Variants in CAMTA1 observed in about 807,000 individuals in gnomAD.
CAMTA1 encodes the protein calmodulin-binding transcription activator 1.
A neutral mutation model predicts 170.9 loss-of-function variants in CAMTA1; 27 were observed. The observed-to-expected ratio is 0.16, with a 90% CI of 0.12 to 0.22. The LOEUF (loss-of-function observed/expected upper bound fraction) is 0.22. Among genes scored for constraint, CAMTA1 ranks in the 10% least tolerant of loss-of-function variants. The pLI, the probability that CAMTA1 is intolerant of heterozygous loss-of-function variation, is 1.00. For synonymous variants in CAMTA1, 833 were observed against 891.5 expected, an observed-to-expected ratio of 0.93 and a Z score of 1.17; for missense variants, 1,619 against 2,217.2, an observed-to-expected ratio of 0.73 and a Z score of 5.42.
rs769234858 is a variant in CAMTA1, at chr1:7,752,518, G to A, written c.4943G>A (p.Arg1648His). The A allele has an allele frequency of 1.2e-5, 19 of 1,607,604 alleles. No individual in the cohort carries two copies. In the Admixed American group the frequency reaches 1.9e-4, roughly 16 times the overall value. ...GCTCGAAAAATAATGAGGTTTCTTC[G>A]CCGCTGTCGCCACAGGTACACTAGT... Reference protein sequence around the residue: ...QAARKIMRFLRRCRHSPLVDH... With the variant: ...QAARKIMRFLHRCRHSPLVDH... Residue 1648 changes from arginine (R) to histidine (H), a missense_variant, in exon 21 of 23, where the codon CGC (arginine) becomes CAC (histidine). Coordinates refer to ENST00000303635, the MANE Select transcript of CAMTA1 (RefSeq NM_015215.4).
At chr1:6,793,235 T>C (rs1641640382) in intron 1 of CAMTA1, among the ~76,000 whole-genome samples, 1 of 152,182 alleles carries the variant, frequency 6.6e-6, no homozygotes, top group Non-Finnish European at 1.5e-5. Context: ...ATGTGTAATA[T>C]TCTCAGTGGG....
chr1:7,143,620 A>C (rs1230101005), intron 4 of CAMTA1, among the ~76,000 whole-genome samples: 1 of 152,216 alleles, frequency 6.6e-6, no homozygotes, highest in Non-Finnish European at 1.5e-5. Context: ...CAAAGGATTC[A>C]GGATGCCCTG....
chr1:7,559,157 G>A (rs935259841), intron 6 of CAMTA1, among the ~76,000 whole-genome samples: 1 of 152,180 alleles, frequency 6.6e-6, no homozygotes. Context: ...GAGGCCGGCT[G>A]TAGGCATTGC....
intron 1 of CAMTA1, among the ~76,000 whole-genome samples, chr1:6,787,219 C>T (rs539905467): frequency 6.6e-6 from 1 of 152,188 alleles, no homozygotes; most frequent in East Asian, 1.9e-4. Flanking sequence ...TAAGGAGAAG[C>T]CATATGCCTT....
intron 3 of CAMTA1, among the ~76,000 whole-genome samples, chr1:6,975,965 C>T (rs993894521): frequency 2.0e-5 from 3 of 152,158 alleles, no homozygotes; most frequent in African/African-American, 4.8e-5. Flanking sequence ...TTCCCTGCCG[C>T]GGCGAGCGTC....
At chr1:7,741,091 C>T (rs184568084) in intron 16 of CAMTA1, among the ~76,000 whole-genome samples, 24 of 152,132 alleles carry the variant, frequency 1.6e-4, no homozygotes, top group African/African-American at 2.6e-4. Flanking sequence ...AAATAGAAGA[C>T]GAATAATGTT....
intron 6 of CAMTA1, among the ~76,000 whole-genome samples, chr1:7,540,187 A>G (rs1175732676): frequency 6.6e-6 from 1 of 152,190 alleles, no homozygotes; most frequent in African/African-American, 2.4e-5. Context: ...GTGCTGGTGC[A>G]TAAGTGCGAC....
intron 6 of CAMTA1, among the ~76,000 whole-genome samples, chr1:7,551,955 T>C (rs2094808474): frequency 6.6e-6 from 1 of 151,148 alleles, no homozygotes; most frequent in Non-Finnish European, 1.5e-5. Flanking sequence ...GGTTCCAGGA[T>C]ATGCACTTTT....
At chr1:7,061,577 G>C (rs968586828) in intron 3 of CAMTA1, among the ~76,000 whole-genome samples, 1 of 152,084 alleles carries the variant, frequency 6.6e-6, no homozygotes, top group Admixed American at 6.5e-5. Flanking sequence ...GACCAGGCCA[G>C]ATTTTGAGCA....
rs1305629959 is a variant in CAMTA1, at chr1:7,737,466, G to A, written c.3554G>A (p.Ser1185Asn). 3.7e-6 allele frequency: 6 copies of A among 1,614,018 alleles called. No homozygotes were observed. The Admixed American group carries it at 1.0e-4, about 27-fold the overall frequency. ...GQNPRIHCPA[S>N]EEPSTESWMA... Reference sequence around the variant, plus strand: ...AACCCCAGAATCCACTGTCCTGCAAGCGAAGAGCCCAGCACAGAGAGCTGG... The same window carrying A: ...AACCCCAGAATCCACTGTCCTGCAAACGAAGAGCCCAGCACAGAGAGCTGG... Residue 1185 changes from serine to asparagine, a missense_variant, in exon 15 of 23, where the codon AGC (serine) becomes AAC (asparagine). Coordinates refer to ENST00000303635, the MANE Select transcript of CAMTA1 (RefSeq NM_015215.4).
At chr1:7,728,322 GCACTGCAGCA>G (rs1311192753) in intron 11 of CAMTA1, among the ~76,000 whole-genome samples, 3 of 152,232 alleles carry the variant, frequency 2.0e-5, no homozygotes, top group African/African-American at 4.8e-5. Context: ...TGCGGGGACC[GCACTGCAGCA>G]CACTGCAGCA....
At chr1:7,648,633 G>A (rs1194535127) in intron 7 of CAMTA1, among the ~76,000 whole-genome samples, 1 of 152,186 alleles carries the variant, frequency 6.6e-6, no homozygotes, top group Admixed American at 6.5e-5. Flanking sequence ...AGTGAGCTCG[G>A]GCCCCCCAGG....
chr1:6,820,885 C>G (rs916226076), intron 2 of CAMTA1, among the ~76,000 whole-genome samples: 1 of 152,142 alleles, frequency 6.6e-6, no homozygotes, highest in Non-Finnish European at 1.5e-5. Context: ...TCCCAAAACC[C>G]AAATTGAAGT....
rs1279946319 is a variant in CAMTA1 at position 7,064,207 on chromosome 1, T to C, written c.235-27097T>C. On this transcript the variant is annotated intron_variant, in intron 3 of 22. Coordinates refer to ENST00000303635, the MANE Select transcript of CAMTA1 (RefSeq NM_015215.4). The surrounding 1 kb of genome is among the most constrained non-coding windows in gnomAD (Gnocchi z 5.4). ...CTCCTCCTCCTCTTCTTTCTCCCCT[T>C]TCCTCCTGCTCCTCCTCCTGCTCCT... 1.3e-5 allele frequency among the ~76,000 whole-genome samples: 2 copies of C among 151,324 alleles called. No individual in the cohort carries two copies. The highest frequency in any genetic ancestry group is 4.9e-5 in the African/African-American group (2 of 41,136).
chr1:7,043,822 C>G (rs767790129), intron 3 of CAMTA1, among the ~76,000 whole-genome samples: 9 of 152,182 alleles, frequency 5.9e-5, no homozygotes, highest in Non-Finnish European at 1.2e-4. Flanking sequence ...CAGGCTAGAG[C>G]TTTTGTGAGA....
At chr1:7,535,919 T>A (rs972159784) in intron 6 of CAMTA1, among the ~76,000 whole-genome samples, 5 of 152,250 alleles carry the variant, frequency 3.3e-5, no homozygotes, top group Non-Finnish European at 7.3e-5. Context: ...CCGGTCTTTT[T>A]GCTGTTGTTG....
chr1:6,945,782 C>T (rs906256397), intron 3 of CAMTA1, among the ~76,000 whole-genome samples: 1 of 152,216 alleles, frequency 6.6e-6, no homozygotes, highest in Non-Finnish European at 1.5e-5. Context: ...TGGCTTCTTT[C>T]ACTTATCATA....
At chr1:7,591,640 C>T (rs975707958) in intron 6 of CAMTA1, among the ~76,000 whole-genome samples, 1 of 152,222 alleles carries the variant, frequency 6.6e-6, no homozygotes, top group African/African-American at 2.4e-5. Flanking sequence ...GAATCCCTCC[C>T]GTGACTCCTG....
chr1:7,157,899 C>T lies in CAMTA1; in HGVS notation c.302+66528C>T, dbSNP rs1016676814. On this transcript the variant is annotated intron_variant, in intron 4 of 22. Transcript: ENST00000303635. ...TGGGGGCCGGGCGCGGTGGCTCACA[C>T]CTGTAATCCCAGCACTTTGGGAGGC... is the stretch of plus-strand genomic sequence containing the variant. 3.3e-5 allele frequency among the ~76,000 whole-genome samples: 5 copies of T among 152,150 alleles called. No individual in the cohort carries two copies. The South Asian group carries it at 1.0e-3, about 31-fold the overall frequency.
Sources: gnomAD v4.1 joint callset for allele counts (sites outside exome capture counted in the v4.1 genomes callset) on GRCh38, gnomAD v4.1.1 for gene constraint, Gnocchi (gnomAD v3.1) non-coding constraint, MANE v1.5 for transcripts, NCBI Gene and HGNC (gene_info 2026-07-23, HGNC 2026-07-21) for gene names.